Variants in DTNBP1 observed in about 807,000 individuals in gnomAD.
DTNBP1 encodes dysbindin.
DTNBP1 carries 35 observed loss-of-function variants against 42.8 expected under a neutral mutation model. That is an observed-to-expected ratio of 0.82 (90% CI 0.63 to 1.09). The LOEUF (loss-of-function observed/expected upper bound fraction) is 1.09, where lower values mean the gene tolerates loss of function less well. Ranked by LOEUF, DTNBP1 falls within the 50% of genes least tolerant of loss-of-function variation. The pLI is 0.00. For synonymous variants in DTNBP1, 171 were observed against 162.2 expected, an observed-to-expected ratio of 1.05 and a Z score of -0.41; for missense variants, 457 against 424.2, an observed-to-expected ratio of 1.08 and a Z score of -0.68.
At chr6:15,601,655 C>A (rs1776732468) in intron 6 of DTNBP1, among the ~76,000 whole-genome samples, 1 of 151,028 alleles carries the variant, frequency 6.6e-6, no homozygotes, top group Non-Finnish European at 1.5e-5. Flanking sequence ...ACCAGCCTGA[C>A]CAAGATGGAG....
At chr6:15,623,501 A>T (rs1161491825) in intron 5 of DTNBP1, among the ~76,000 whole-genome samples, 3 of 152,172 alleles carry the variant, frequency 2.0e-5, no homozygotes, top group Non-Finnish European at 4.4e-5. Context: ...GCAGTGAGCT[A>T]TGATCACATC....
At chr6:15,525,785 C>T (rs1772341781) in intron 8 of DTNBP1, among the ~76,000 whole-genome samples, 1 of 152,158 alleles carries the variant, frequency 6.6e-6, no homozygotes, top group South Asian at 2.1e-4. Context: ...ACGAAAGATG[C>T]AGAAGCGTAG....
At chr6:15,612,574 A>G (rs553260337) in intron 6 of DTNBP1, among the ~76,000 whole-genome samples, 45 of 152,366 alleles carry the variant, frequency 3.0e-4, no homozygotes, top group Non-Finnish European at 5.6e-4. Flanking sequence ...TAGCTGCACA[A>G]GTAATAATAC....
intron 5 of DTNBP1, 79 bp from the exon 6 acceptor site, chr6:15,615,478 A>T: frequency 1.3e-6 from 2 of 1,561,198 alleles, no homozygotes; most frequent in Non-Finnish European, 1.8e-6. Flanking sequence ...TCAAAAAGGT[A>T]AAAGTTCACA....
intron 6 of DTNBP1, among the ~76,000 whole-genome samples, chr6:15,593,946 C>T (rs1028796975): frequency 1.3e-5 from 2 of 152,086 alleles, no homozygotes; most frequent in South Asian, 2.1e-4. Flanking sequence ...ATTACAATAC[C>T]CCTCATGTTC....
chr6:15,605,457 C>A lies in DTNBP1; in HGVS notation c.488+9810G>T, dbSNP rs146176602. ...CTTCTCACATATCTTCTCAGAAGAG[C>A]CTGTCCTGCTCACCCTAGCTGAAGC... On this transcript the variant is annotated intron_variant, in intron 6 of 9. Transcript: ENST00000344537. 7.0e-4 allele frequency among the ~76,000 whole-genome samples: 107 copies of A among 152,306 alleles called. No individual in the cohort carries two copies. In the East Asian group the frequency reaches 0.017, roughly 24 times the overall value.
intron 3 of DTNBP1, among the ~76,000 whole-genome samples, chr6:15,641,119 C>T (rs568572995): frequency 6.6e-6 from 1 of 152,322 alleles, no homozygotes; most frequent in African/African-American, 2.4e-5. Flanking sequence ...GTTTTGTCCC[C>T]TTTCTTTGTT....
At chr6:15,527,670 AAAG>A (rs1197583653) in intron 8 of DTNBP1, among the ~76,000 whole-genome samples, 1 of 152,196 alleles carries the variant, frequency 6.6e-6, no homozygotes, top group Non-Finnish European at 1.5e-5. Flanking sequence ...TAGAAAGAAC[AAAG>A]AAGCTGGTTC....
chr6:15,637,442 T>G (rs899047749), intron 4 of DTNBP1, among the ~76,000 whole-genome samples: 2 of 152,154 alleles, frequency 1.3e-5, no homozygotes, highest in African/African-American at 4.8e-5. Context: ...GTCTTATAAT[T>G]TACATATATT....
chr6:15,612,599 T>C (rs573064322), intron 6 of DTNBP1, among the ~76,000 whole-genome samples: 1 of 152,348 alleles, frequency 6.6e-6, no homozygotes, highest in South Asian at 2.1e-4. Context: ...TAGTCAGAGC[T>C]GGCAGCCACT....
chr6:15,523,000 T>C lies in DTNBP1; in HGVS notation c.1031A>G (p.Asp344Gly), dbSNP rs754811524. Residue 344 changes from aspartate (D) to glycine (G), a missense_variant, in exon 10 of 10, where the codon GAT becomes GGT. By Grantham distance (94) the Asp-to-Gly change is moderately conservative. Coordinates refer to ENST00000344537, the MANE Select transcript of DTNBP1 (RefSeq NM_032122.5). ...TSHTDREATPDGGEDSDS is the reference protein window; with the variant it reads ...TSHTDREATPGGGEDSDS ...TTAAGAGTCGCTGTCCTCACCACCATCCGGAGTGGCCTCTCTGTCAGTGTG... is the reference window on the plus strand; with the variant it reads ...TTAAGAGTCGCTGTCCTCACCACCACCCGGAGTGGCCTCTCTGTCAGTGTG... 9 of 1,614,042 alleles carry C rather than the reference T, an allele frequency of 5.6e-6. No homozygotes were observed. The highest frequency in any genetic ancestry group is 1.1e-5 in the South Asian group (1 of 91,080).
chr6:15,595,357 C>T (rs556810940), intron 6 of DTNBP1: 167 of 368,530 alleles, frequency 4.5e-4, no homozygotes, highest in Non-Finnish European at 7.5e-4. Context: ...CTCTGCCTCC[C>T]GGGTTCAAGC....
intron 6 of DTNBP1, among the ~76,000 whole-genome samples, chr6:15,610,570 T>C (rs1012287991): frequency 3.9e-5 from 6 of 152,224 alleles, no homozygotes; most frequent in Non-Finnish European, 7.3e-5. Context: ...GGCCAAAAGC[T>C]AGGCCTTTTG....
chr6:15,660,338 A>T (rs1374115529), intron 1 of DTNBP1: 4 of 1,289,276 alleles, frequency 3.1e-6, no homozygotes, highest in Non-Finnish European at 4.0e-6. Context: ...CAAGCTGAAT[A>T]TGGAAAAGTT....
intron 7 of DTNBP1, among the ~76,000 whole-genome samples, chr6:15,552,170 T>C (rs1325947147): frequency 6.6e-6 from 1 of 152,144 alleles, no homozygotes; most frequent in Non-Finnish European, 1.5e-5. Flanking sequence ...AAGATTCAGT[T>C]CAATAAAAAG....
chr6:15,645,997 T>C (rs1176898665), intron 3 of DTNBP1, among the ~76,000 whole-genome samples: 2 of 151,872 alleles, frequency 1.3e-5, no homozygotes, highest in Non-Finnish European at 2.9e-5. Context: ...GAAGACAAAT[T>C]AATTATCTCT....
At chr6:15,546,932 T>C (rs1270580720) in intron 7 of DTNBP1, among the ~76,000 whole-genome samples, 1 of 150,494 alleles carries the variant, frequency 6.6e-6, no homozygotes, top group Non-Finnish European at 1.5e-5. Context: ...CTTTCTTTTT[T>C]TTTTTTTTTT....
intron 4 of DTNBP1, among the ~76,000 whole-genome samples, chr6:15,632,640 C>A (rs61418649): frequency 1.3e-5 from 2 of 152,254 alleles, no homozygotes; most frequent in African/African-American, 4.8e-5. Context: ...GATATCAGGA[C>A]AAAGAAGCTG....
chr6:15,638,860 C>T (rs1452393215), intron 3 of DTNBP1, among the ~76,000 whole-genome samples: 2 of 139,644 alleles, frequency 1.4e-5, no homozygotes, highest in Admixed American at 7.3e-5. Context: ...TTTTTTGAGA[C>T]AGGGTCTCAC....
Sources: gnomAD v4.1 joint callset for allele counts (sites outside exome capture counted in the v4.1 genomes callset) on GRCh38, gnomAD v4.1.1 for gene constraint, MANE v1.5 for transcripts, NCBI Gene and HGNC (gene_info 2026-07-23, HGNC 2026-07-21) for gene names.